CNBD1: variants seen among roughly 807,000 people sequenced by gnomAD.
The protein encoded by CNBD1 is cyclic nucleotide-binding domain-containing protein 1.
CNBD1 carries 71 observed loss-of-function variants against 54.4 expected under a neutral mutation model. That is an observed-to-expected ratio of 1.30 (90% CI 1.08 to 1.59). The LOEUF is 1.59. Among genes scored for constraint, CNBD1 ranks in the 40% most tolerant of loss-of-function variants. CNBD1 has a pLI of 0.00. For synonymous variants in CNBD1, 182 were observed against 170.7 expected, an observed-to-expected ratio of 1.07 and a Z score of -0.51; for missense variants, 659 against 518.0, an observed-to-expected ratio of 1.27 and a Z score of -2.64.
At chr8:87,248,147 C>T (rs542764542) in intron 6 of CNBD1, among the ~76,000 whole-genome samples, 53 of 152,280 alleles carry the variant, frequency 3.5e-4, no homozygotes, top group Middle Eastern at 3.4e-3. Context: ...TCACACAAAA[C>T]CAAGAATTGT....
At chr8:87,375,309 T>C (rs938170019) in intron 10 of CNBD1, among the ~76,000 whole-genome samples, 1 of 151,856 alleles carries the variant, frequency 6.6e-6, no homozygotes, top group Non-Finnish European at 1.5e-5. Flanking sequence ...GTAAGCTGTG[T>C]GCTGTCTGTT....
chr8:87,255,977 A>G (rs1808000139), intron 6 of CNBD1, among the ~76,000 whole-genome samples: 1 of 8,568 alleles, frequency 1.2e-4, no homozygotes, highest in Non-Finnish European at 2.0e-4. Context: ...CTACAAATAT[A>G]TATATATATA....
chr8:87,357,616 A>T (rs1355334156), intron 10 of CNBD1, among the ~76,000 whole-genome samples: 1 of 152,188 alleles, frequency 6.6e-6, no homozygotes, highest in Non-Finnish European at 1.5e-5. Context: ...TTGGAAATTA[A>T]TAACTTGTTT....
chr8:87,403,855 A>T (rs1454424345), intron 2 of CNBD1, among the ~76,000 whole-genome samples: 1 of 152,000 alleles, frequency 6.6e-6, no homozygotes, highest in East Asian at 1.9e-4. Context: ...CATTTCACGT[A>T]AGGAAAAATT....
chr8:87,285,660 C>T (rs527728659), intron 7 of CNBD1, among the ~76,000 whole-genome samples: 217 of 152,036 alleles, frequency 1.4e-3, no homozygotes, highest in African/African-American at 4.7e-3. Context: ...CAGCTGAGGT[C>T]GAGAGTTCGA....
chr8:87,107,341 A>C (rs1266101458), intron 4 of CNBD1, among the ~76,000 whole-genome samples: 1 of 152,104 alleles, frequency 6.6e-6, no homozygotes, highest in Non-Finnish European at 1.5e-5. Context: ...AGTAACGTTA[A>C]CCTTTGTTCA....
At chr8:86,974,159 A>G (rs550099106) in intron 4 of CNBD1, among the ~76,000 whole-genome samples, 1 of 152,246 alleles carries the variant, frequency 6.6e-6, no homozygotes, top group East Asian at 1.9e-4. Flanking sequence ...AGAAATATTC[A>G]GCTTCATAAG....
chr8:87,348,657 C>G (rs149963607), intron 8 of CNBD1, among the ~76,000 whole-genome samples: 1 of 152,240 alleles, frequency 6.6e-6, no homozygotes, highest in Non-Finnish European at 1.5e-5. Context: ...GACTAGTAGG[C>G]TGAGGTTTAT....
At chr8:87,056,432 C>A (rs1810418281) in intron 4 of CNBD1, among the ~76,000 whole-genome samples, 1 of 152,070 alleles carries the variant, frequency 6.6e-6, no homozygotes, top group Admixed American at 6.6e-5. Context: ...CATTGACACT[C>A]ATATTAAAAA....
intron 1 of CNBD1, among the ~76,000 whole-genome samples, chr8:86,869,891 C>T (rs1297431714): frequency 6.6e-6 from 1 of 151,726 alleles, no homozygotes. Flanking sequence ...TGTCCTTCAC[C>T]GTTTGGTTTA....
intron 8 of CNBD1, among the ~76,000 whole-genome samples, chr8:87,317,332 C>G (rs904459053): frequency 1.3e-5 from 2 of 151,356 alleles, no homozygotes; most frequent in Non-Finnish European, 3.0e-5. Context: ...TAATGCTGTT[C>G]TAAGTACTGC....
intron 8 of CNBD1, among the ~76,000 whole-genome samples, chr8:87,344,067 A>G (rs10094223): frequency 0.012 from 1,780 of 152,212 alleles, 19 homozygotes; most frequent in Non-Finnish European, 0.015. Flanking sequence ...GTAACAGAGG[A>G]AGTGTCATAA....
At chr8:87,362,039 A>G (rs1190123734) in intron 10 of CNBD1, among the ~76,000 whole-genome samples, 1 of 152,046 alleles carries the variant, frequency 6.6e-6, no homozygotes, top group East Asian at 1.9e-4. Context: ...CCATGTCCTG[A>G]GATTGAGTCC....
At chr8:87,376,724 G>A (rs1430598499) in intron 10 of CNBD1, among the ~76,000 whole-genome samples, 1 of 151,804 alleles carries the variant, frequency 6.6e-6, no homozygotes, top group African/African-American at 2.4e-5. Context: ...TCTTAGTTAA[G>A]TTTATTAAAC....
intron 10 of CNBD1, 101 bp downstream of exon 10, chr8:87,353,887 A>G: frequency 1.3e-6 from 1 of 770,706 alleles, no homozygotes; most frequent in Non-Finnish European, 2.0e-6. Flanking sequence ...TATTTATTAA[A>G]TTGGGGTTCA....
At chr8:87,227,224 C>G (rs1406397147) in intron 5 of CNBD1, among the ~76,000 whole-genome samples, 8 of 151,438 alleles carry the variant, frequency 5.3e-5, no homozygotes, top group East Asian at 1.9e-4. Flanking sequence ...TTAATTGGAG[C>G]ATTTAGTCCA....
At chr8:87,281,404 C>T (rs1282592869) in intron 6 of CNBD1, among the ~76,000 whole-genome samples, 1 of 151,078 alleles carries the variant, frequency 6.6e-6, no homozygotes, top group Non-Finnish European at 1.5e-5. Context: ...TGCACATCTT[C>T]CTCTGAATTG....
rs534948927 is a variant in CNBD1, at chr8:87,261,179, T to A, written c.772-23499T>A. On this transcript the variant is annotated intron_variant, in intron 6 of 10. Coordinates refer to ENST00000518476, the MANE Select transcript of CNBD1 (RefSeq NM_173538.3). Reference sequence around the variant, plus strand: ...TTTCTATCATGACTTGCAAACCCAGTTTGGATGAGAAATGTGCTCAAAGAA... The same window carrying A: ...TTTCTATCATGACTTGCAAACCCAGATTGGATGAGAAATGTGCTCAAAGAA... Among the ~76,000 whole-genome samples the A allele has an allele frequency of 8.2e-4, 124 of 152,146 alleles. 1 individual carries two copies. Among genetic ancestry groups the A allele is most frequent in the Non-Finnish European group, 9.6e-4 (65 of 67,992 alleles).
At chr8:87,342,203 G>A (rs1230951203) in intron 8 of CNBD1, among the ~76,000 whole-genome samples, 4 of 151,872 alleles carry the variant, frequency 2.6e-5, no homozygotes, top group Non-Finnish European at 5.9e-5. Flanking sequence ...AACCCAGGAG[G>A]CAGAGCTTGC....
Sources: allele counts gnomAD v4.1 joint callset (sites outside exome capture counted in the v4.1 genomes callset), GRCh38; gene constraint gnomAD v4.1.1; transcripts MANE v1.5; gene names NCBI Gene and HGNC (gene_info 2026-07-23, HGNC 2026-07-21).